The following KLHL2 variants were observed in gnomAD, a reference collection of about 807,000 sequenced individuals.
KLHL2 encodes kelch like family member 2.
A neutral mutation model predicts 75.8 loss-of-function variants in KLHL2; 15 were observed. The observed-to-expected ratio is 0.20, with a 90% CI of 0.13 to 0.30. The LOEUF is 0.30. Ranked by LOEUF, KLHL2 falls within the 10% of genes least tolerant of loss-of-function variation. KLHL2 has a pLI of 1.00. For synonymous variants in KLHL2, 214 were observed against 251.9 expected, an observed-to-expected ratio of 0.85 and a Z score of 1.42; for missense variants, 381 against 741.0, an observed-to-expected ratio of 0.51 and a Z score of 5.64.
At chr4:165,209,932 C>A (rs752634925) in intron 1 of KLHL2, 6 of 1,262,034 alleles carry the variant, frequency 4.8e-6, no homozygotes, top group Non-Finnish European at 6.4e-6. Flanking sequence ...TGCCTCCACT[C>A]CCATTAACAT....
chr4:165,277,540 A>G (rs895114534), intron 5 of KLHL2, among the ~76,000 whole-genome samples: 5 of 152,268 alleles, frequency 3.3e-5, no homozygotes, highest in Admixed American at 1.3e-4. Flanking sequence ...CTCATTTTTA[A>G]CAGGTTAGTA....
At chr4:165,293,079 T>C (rs1744635766) in intron 5 of KLHL2, among the ~76,000 whole-genome samples, 1 of 152,190 alleles carries the variant, frequency 6.6e-6, no homozygotes, top group African/African-American at 2.4e-5. Context: ...AGCTAGCATA[T>C]GGCAGAGCTG....
At chr4:165,215,041 A>T (rs183238980) in intron 1 of KLHL2, among the ~76,000 whole-genome samples, 155 of 152,290 alleles carry the variant, frequency 1.0e-3, no homozygotes, top group African/African-American at 3.2e-3. Flanking sequence ...ACATTTTTAA[A>T]AAGCTCTATT....
intron 8 of KLHL2, among the ~76,000 whole-genome samples, chr4:165,301,715 T>A (rs1192455250): frequency 1.3e-5 from 2 of 152,240 alleles, no homozygotes; most frequent in Non-Finnish European, 2.9e-5. Flanking sequence ...TTTATGTAAG[T>A]CTTTCCAACT....
intron 5 of KLHL2, among the ~76,000 whole-genome samples, chr4:165,280,457 T>C (rs985201677): frequency 1.3e-4 from 20 of 152,352 alleles, no homozygotes; most frequent in African/African-American, 4.8e-4. Flanking sequence ...AGCTCATGAT[T>C]TGAATGCCAC....
At chr4:165,278,876 A>G (rs1475177759) in intron 5 of KLHL2, 4 of 1,496,854 alleles carry the variant, frequency 2.7e-6, no homozygotes, top group Non-Finnish European at 3.7e-6. Context: ...CTGGTCCCCT[A>G]AACACCCAGA....
At chr4:165,295,846 A>T (rs1744866570) in intron 6 of KLHL2, among the ~76,000 whole-genome samples, 1 of 152,178 alleles carries the variant, frequency 6.6e-6, no homozygotes, top group Admixed American at 6.5e-5. Flanking sequence ...TTAGAAGATG[A>T]TATAATAAAA....
At chr4:165,304,519 T>A (rs888966167) in intron 8 of KLHL2, among the ~76,000 whole-genome samples, 3 of 152,240 alleles carry the variant, frequency 2.0e-5, no homozygotes, top group Non-Finnish European at 4.4e-5. Flanking sequence ...TCCTTGCCAT[T>A]CTTTACAGTT....
intron 4 of KLHL2, among the ~76,000 whole-genome samples, chr4:165,251,270 T>A (rs1435144332): frequency 1.3e-5 from 2 of 151,972 alleles, no homozygotes; most frequent in Non-Finnish European, 2.9e-5. Flanking sequence ...TGATATTTTA[T>A]CACTTTACCT....
At position 165,299,498 on chromosome 4, in the gene KLHL2, T is replaced by C; in HGVS notation, c.772-9T>C. Reference sequence around the variant, plus strand: ...ACCCTCAGTGGGTGTGTCTGATTTCTTGTTACAGAGGGTTGAAGAGGAAGC... The same window carrying C: ...ACCCTCAGTGGGTGTGTCTGATTTCCTGTTACAGAGGGTTGAAGAGGAAGC... On this transcript the variant is annotated splice_polypyrimidine_tract_variant and intron_variant, in intron 7 of 14. Transcript: ENST00000226725. 1 of 1,599,678 alleles carries C rather than the reference T, an allele frequency of 6.3e-7. No homozygotes were observed.
At chr4:165,297,471 T>G in intron 6 of KLHL2, 138 bp from the exon 7 acceptor site, 2 of 594,666 alleles carry the variant, frequency 3.4e-6, no homozygotes, top group Non-Finnish European at 6.1e-6. Context: ...CAAGTCAGGA[T>G]TTTGAAAACA....
intron 5 of KLHL2, among the ~76,000 whole-genome samples, chr4:165,287,067 A>G (rs369982718): frequency 2.6e-5 from 4 of 152,236 alleles, no homozygotes; most frequent in Non-Finnish European, 5.9e-5. Context: ...AGTGTCATGT[A>G]TAAGTACTTG....
At chr4:165,251,621 T>G (rs979233151) in intron 4 of KLHL2, among the ~76,000 whole-genome samples, 1 of 149,778 alleles carries the variant, frequency 6.7e-6, no homozygotes, top group African/African-American at 2.4e-5. Flanking sequence ...TTTTGTTTTT[T>G]TTTTTTGAGA....
chr4:165,307,480 A>T (rs1745824899), intron 9 of KLHL2, among the ~76,000 whole-genome samples: 1 of 152,238 alleles, frequency 6.6e-6, no homozygotes, highest in South Asian at 2.1e-4. Flanking sequence ...TATTAATATT[A>T]ACTGAAATAC....
intron 2 of KLHL2, chr4:165,224,151 C>T (rs1365430385): frequency 5.7e-6 from 1 of 176,924 alleles, no homozygotes; most frequent in African/African-American, 2.4e-5. Flanking sequence ...GTTTTATTGA[C>T]AAAATTAGAT....
At chr4:165,211,193 A>G (rs934755215) in intron 1 of KLHL2, among the ~76,000 whole-genome samples, 1 of 152,226 alleles carries the variant, frequency 6.6e-6, no homozygotes, top group African/African-American at 2.4e-5. Context: ...AAACAATTGA[A>G]GTCTAACAAT....
intron 2 of KLHL2, among the ~76,000 whole-genome samples, chr4:165,223,120 C>G (rs1738141045): frequency 6.6e-6 from 1 of 152,114 alleles, no homozygotes; most frequent in Non-Finnish European, 1.5e-5. Context: ...GCTTTATATC[C>G]CAGCCTGGTA....
chr4:165,307,231 C>T (rs1052043822), intron 9 of KLHL2, among the ~76,000 whole-genome samples: 2 of 152,160 alleles, frequency 1.3e-5, no homozygotes, highest in South Asian at 4.1e-4. Context: ...TCGCTTGAAC[C>T]TGGGAGGCGG....
chr4:165,232,796 A>G (rs1314150281), intron 3 of KLHL2, among the ~76,000 whole-genome samples: 1 of 147,446 alleles, frequency 6.8e-6, no homozygotes, highest in Admixed American at 6.8e-5. Flanking sequence ...TAGGTAATTT[A>G]GTGTATGTAG....
Sources: allele counts gnomAD v4.1 joint callset (sites outside exome capture counted in the v4.1 genomes callset), GRCh38; gene constraint gnomAD v4.1.1; transcripts MANE v1.5; gene names NCBI Gene and HGNC (gene_info 2026-07-23, HGNC 2026-07-21).